LRIG3: variants seen among roughly 807,000 people sequenced by gnomAD.
The protein encoded by LRIG3 is leucine-rich repeats and immunoglobulin-like domains protein 3.
Under a neutral mutation model 114.5 loss-of-function variants are expected in LRIG3, and 76 were observed. The ratio of observed to expected loss-of-function variants is 0.66; its 90% CI spans 0.55 to 0.80. The LOEUF is 0.80. LRIG3 is among the 30% of genes least tolerant of loss of function. The probability of loss-of-function intolerance (pLI) is 0.00; values close to 1 mark genes in which losing one functional copy is unlikely to be tolerated. For missense variants in LRIG3, 1,239 were observed against 1,382.8 expected (o/e 0.90, Z 1.65); for synonymous variants, 512 against 519.8 (o/e 0.98, Z 0.20).
chr12:58,884,878 A>T (rs1871225863), intron 10 of LRIG3, among the ~76,000 whole-genome samples: 1 of 152,226 alleles, frequency 6.6e-6, no homozygotes, highest in African/African-American at 2.4e-5. Flanking sequence ...GTCAGAGTCG[A>T]TATTATACAT....
At chr12:58,894,504 T>TA (rs1192953140) in intron 3 of LRIG3, among the ~76,000 whole-genome samples, 1 of 151,932 alleles carries the variant, frequency 6.6e-6, no homozygotes, top group Admixed American at 6.6e-5. Context: ...AAAGCTAGAT[T>TA]AAAAAATCTT....
At chr12:58,912,976 A>G (rs1207393934) in intron 3 of LRIG3, among the ~76,000 whole-genome samples, 1 of 152,206 alleles carries the variant, frequency 6.6e-6, no homozygotes, top group Non-Finnish European at 1.5e-5. Flanking sequence ...AATGTCACTT[A>G]GCTCTTATTC....
At chr12:58,910,867 A>G (rs566371324) in intron 3 of LRIG3, among the ~76,000 whole-genome samples, 1 of 152,298 alleles carries the variant, frequency 6.6e-6, no homozygotes, top group East Asian at 1.9e-4. Context: ...ATCATGTCCA[A>G]TGCTCGAGCA....
At chr12:58,879,142 G>A (rs762017181) in intron 13 of LRIG3, 37 bp from the exon 14 acceptor site, 1 of 1,568,906 alleles carries the variant, frequency 6.4e-7, no homozygotes, top group Non-Finnish European at 8.7e-7. Context: ...TTAGCACAGT[G>A]GAGTCTTACA....
At chr12:58,873,864 A>G (rs1870817105) in intron 18 of LRIG3, 191 bp downstream of exon 18, 1 of 651,738 alleles carries the variant, frequency 1.5e-6, no homozygotes. Flanking sequence ...TAGATTAAAC[A>G]CATCATCAAG....
intron 1 of LRIG3, among the ~76,000 whole-genome samples, chr12:58,917,409 AACTCT>A (rs1872516875): frequency 6.6e-6 from 1 of 152,162 alleles, no homozygotes; most frequent in Admixed American, 6.5e-5. Flanking sequence ...TCTTGACATA[AACTCT>A]AGCTTGCCTT....
intron 7 of LRIG3, 127 bp from the exon 8 acceptor site, chr12:58,888,059 C>A: frequency 1.2e-6 from 1 of 849,954 alleles, no homozygotes; most frequent in Non-Finnish European, 1.7e-6. Flanking sequence ...TTAATAATAT[C>A]CAAGTAAATA....
chr12:58,882,783 T>C, intron 12 of LRIG3, 86 bp downstream of exon 12: 2 of 1,399,984 alleles, frequency 1.4e-6, no homozygotes, highest in Non-Finnish European at 1.9e-6. Context: ...AAAGAGATCA[T>C]AAATCTATTC....
intron 3 of LRIG3, among the ~76,000 whole-genome samples, chr12:58,905,732 A>T (rs1872038330): frequency 6.6e-6 from 1 of 152,184 alleles, no homozygotes; most frequent in African/African-American, 2.4e-5. Context: ...TAAGAGGAAG[A>T]GACACCTGAG....
At chr12:58,881,679 C>T (rs1301314282) in intron 12 of LRIG3, among the ~76,000 whole-genome samples, 1 of 152,198 alleles carries the variant, frequency 6.6e-6, no homozygotes, top group African/African-American at 2.4e-5. Context: ...CATCTGAGAT[C>T]TACCAAAGCG....
In LRIG3 at chr12:58,920,312, G is replaced by C; in HGVS notation, c.-77C>G. On this transcript the variant is annotated 5_prime_UTR_variant, in exon 1 of 19. Coordinates refer to ENST00000320743, the MANE Select transcript of LRIG3 (RefSeq NM_153377.5). Reference sequence around the variant, plus strand: ...CGGGGCCCGGCACAAACTTCCAGCCGAGGGTGCACGCCCGCCCTCGCGGTC... The same window carrying C: ...CGGGGCCCGGCACAAACTTCCAGCCCAGGGTGCACGCCCGCCCTCGCGGTC... The C allele has an allele frequency of 1.8e-6, 2 of 1,124,310 alleles. No individual in the cohort carries two copies. Among genetic ancestry groups the C allele is most frequent in the Non-Finnish European group, 2.3e-6 (2 of 866,606 alleles). 69.6% of individuals were successfully genotyped at this position (1,124,310 alleles called of 1,614,324 possible). A position where few individuals can be genotyped will look rare whatever the true frequency, so the allele number is the denominator to read the frequency against.
Position 58,874,320 on chromosome 12 carries a change from A to G in LRIG3, c.2850T>C (p.Pro950=). Reference sequence around the variant, plus strand: ...GGTCCATTAAAACTGTTCTTGGGTCAGGACTGCAACCTTTTTAATATGGGG... The same window carrying G: ...GGTCCATTAAAACTGTTCTTGGGTCGGGACTGCAACCTTTTTAATATGGGG... ...PFETYHTGCS[P]DPRTVLMDHY... Residue 950 remains proline (P), a synonymous_variant, in exon 18 of 19, where the codon CCT becomes CCC. Coordinates refer to ENST00000320743, the MANE Select transcript of LRIG3 (RefSeq NM_153377.5). 1 of 1,609,302 alleles carries G rather than the reference A, an allele frequency of 6.2e-7. No homozygotes were observed. The highest frequency in any genetic ancestry group is 1.1e-5 in the South Asian group (1 of 90,286).
At chr12:58,890,938 A>G (rs973880920) in intron 3 of LRIG3, 142 bp from the exon 4 acceptor site, 10 of 576,154 alleles carry the variant, frequency 1.7e-5, no homozygotes, top group Non-Finnish European at 5.5e-6. Context: ...AAAGAGCAAT[A>G]CCATGGCCAT....
chr12:58,872,877 C>A (rs1870786269), intron 18 of LRIG3, 61 bp from the exon 19 acceptor site: 2 of 1,556,158 alleles, frequency 1.3e-6, no homozygotes, highest in Admixed American at 4.0e-5. Context: ...ATCAATAAAA[C>A]CCATTGCAAA....
At chr12:58,876,807 T>C (rs1196378551) in intron 15 of LRIG3, among the ~76,000 whole-genome samples, 2 of 152,252 alleles carry the variant, frequency 1.3e-5, no homozygotes, top group African/African-American at 4.8e-5. Context: ...GCTGACTTTC[T>C]GTTTTATCAC....
At chr12:58,902,680 T>C (rs1190273412) in intron 3 of LRIG3, among the ~76,000 whole-genome samples, 1 of 151,090 alleles carries the variant, frequency 6.6e-6, no homozygotes, top group East Asian at 2.0e-4. Flanking sequence ...TAACTCGTCA[T>C]TTAGCATTAG....
intron 3 of LRIG3, among the ~76,000 whole-genome samples, chr12:58,912,406 G>T (rs1565624393): frequency 6.6e-6 from 1 of 152,084 alleles, no homozygotes; most frequent in Non-Finnish European, 1.5e-5. Context: ...TGAGGCAGGA[G>T]AATGGTGTGA....
Position 58,914,042 on chromosome 12 carries a change from T to C in LRIG3, c.323A>G (p.Asn108Ser), listed in dbSNP as rs944014960. ...CAGATTTGGAATGGTCTCCAATTCA[T>C]TGTTGTTCAGTTTCCTACAAATGCC... The part of the protein sequence containing the change: ...QSLREVKLNN[N>S]ELETIPNLGP... Residue 108 changes from asparagine to serine, a missense_variant, in exon 3 of 19, where the codon AAT (asparagine) becomes AGT (serine). By Grantham distance (46) the Asn-to-Ser change is conservative. Coordinates refer to ENST00000320743, the MANE Select transcript of LRIG3 (RefSeq NM_153377.5). 13 of 1,610,428 alleles carry C rather than the reference T, an allele frequency of 8.1e-6. No individual in the cohort carries two copies. The highest frequency in any genetic ancestry group is 1.3e-5 in the African/African-American group (1 of 74,466).
chr12:58,920,260 A>T lies in LRIG3; in HGVS notation c.-25T>A, dbSNP rs1193951941. 2 of 1,318,712 alleles carry T rather than the reference A, an allele frequency of 1.5e-6. No homozygotes were observed. The highest frequency in any genetic ancestry group is 1.9e-6 in the Non-Finnish European group (2 of 1,039,338). The allele number at this position is 1,318,712 out of a possible 1,614,324, so 81.7% of individuals were successfully genotyped here. A position where few individuals can be genotyped will look rare whatever the true frequency, so the allele number is the denominator to read the frequency against. On this transcript the variant is annotated 5_prime_UTR_variant, in exon 1 of 19. Coordinates refer to ENST00000320743, the MANE Select transcript of LRIG3 (RefSeq NM_153377.5). ...TCGCGGTCCAGCGGCCTAGGTCTCT[A>T]CCCGAAGCTCCCAGCCGGCGCGCGC...
Sources: gnomAD v4.1 joint callset for allele counts (sites outside exome capture counted in the v4.1 genomes callset) on GRCh38, gnomAD v4.1.1 for gene constraint, MANE v1.5 for transcripts, NCBI Gene and HGNC (gene_info 2026-07-23, HGNC 2026-07-21) for gene names.